The following ZFPM2 variants were observed in gnomAD, a reference collection of about 807,000 sequenced individuals.
ZFPM2 encodes the protein zinc finger protein, FOG family member 2.
In ZFPM2, 20 loss-of-function variants were observed where a neutral mutation model predicts 98.6. The observed-to-expected ratio is 0.20, with a 90% CI of 0.14 to 0.29. The LOEUF (loss-of-function observed/expected upper bound fraction) is 0.29. ZFPM2 is among the 10% of genes least tolerant of loss of function. The pLI is 1.00. For synonymous variants in ZFPM2, 518 were observed against 502.7 expected (o/e 1.03, Z -0.41); for missense variants, 1,310 against 1,388.6 (o/e 0.94, Z 0.90).
intron 1 of ZFPM2, among the ~76,000 whole-genome samples, chr8:105,400,117 A>C (rs528492959): frequency 3.3e-5 from 5 of 152,040 alleles, no homozygotes; most frequent in Non-Finnish European, 7.4e-5. Flanking sequence ...ATGTCCATCT[A>C]TTTATTGCTT....
chr8:105,439,436 T>C (rs1313606770), intron 2 of ZFPM2, among the ~76,000 whole-genome samples: 1 of 152,210 alleles, frequency 6.6e-6, no homozygotes, highest in African/African-American at 2.4e-5. Flanking sequence ...TTGTACAAAC[T>C]GCTGTTTTTG....
At chr8:105,777,107 A>G (rs577312853) in intron 5 of ZFPM2, among the ~76,000 whole-genome samples, 1 of 152,276 alleles carries the variant, frequency 6.6e-6, no homozygotes, top group East Asian at 1.9e-4. Context: ...ACATAAGCTT[A>G]TGGAAAAGCA....
chr8:105,626,781 T>A (rs1411305094), intron 4 of ZFPM2, among the ~76,000 whole-genome samples: 1 of 152,220 alleles, frequency 6.6e-6, no homozygotes, highest in Non-Finnish European at 1.5e-5. Flanking sequence ...GTGCTTTTGA[T>A]CTGTTACCCA....
intron 3 of ZFPM2, among the ~76,000 whole-genome samples, chr8:105,487,243 G>A (rs1364848261): frequency 6.6e-6 from 1 of 151,978 alleles, no homozygotes; most frequent in Non-Finnish European, 1.5e-5. Context: ...CTCCTTACTC[G>A]AGTAGCTGGG....
intron 2 of ZFPM2, among the ~76,000 whole-genome samples, chr8:105,430,021 TC>T (rs1811988842): frequency 6.6e-6 from 1 of 152,174 alleles, no homozygotes. Flanking sequence ...CTTGGATAAT[TC>T]AAATAAATAC....
At chr8:105,641,165 T>C (rs1211032078) in intron 5 of ZFPM2, among the ~76,000 whole-genome samples, 1 of 152,042 alleles carries the variant, frequency 6.6e-6, no homozygotes, top group Non-Finnish European at 1.5e-5. Flanking sequence ...TATCAGTGTG[T>C]TAAAACAAAA....
intron 5 of ZFPM2, among the ~76,000 whole-genome samples, chr8:105,682,477 A>G (rs982738240): frequency 6.6e-6 from 1 of 152,192 alleles, no homozygotes; most frequent in African/African-American, 2.4e-5. Context: ...AATCAGTGCT[A>G]TGATGGAAGA....
chr8:105,321,277 T>G (rs538972383), intron 1 of ZFPM2, among the ~76,000 whole-genome samples: 1 of 152,328 alleles, frequency 6.6e-6, no homozygotes, highest in Non-Finnish European at 1.5e-5. Flanking sequence ...AAGTCGTTAT[T>G]ATTGTAGGTC....
chr8:105,663,742 G>T (rs1817436132), intron 5 of ZFPM2, among the ~76,000 whole-genome samples: 1 of 152,132 alleles, frequency 6.6e-6, no homozygotes, highest in Non-Finnish European at 1.5e-5. Context: ...CTTTGCCAAA[G>T]TTTCACAAGA....
chr8:105,622,908 G>A (rs1816581579), intron 4 of ZFPM2, among the ~76,000 whole-genome samples: 7 of 152,026 alleles, frequency 4.6e-5, no homozygotes, highest in Admixed American at 3.9e-4. Flanking sequence ...CAAATATACA[G>A]TTTTTCTTTT....
At chr8:105,464,319 A>G (rs139595265) in intron 3 of ZFPM2, among the ~76,000 whole-genome samples, 2 of 152,170 alleles carry the variant, frequency 1.3e-5, no homozygotes, top group African/African-American at 4.8e-5. Flanking sequence ...TAAAAATCAA[A>G]TATATGCTTA....
intron 3 of ZFPM2, among the ~76,000 whole-genome samples, chr8:105,520,043 G>T (rs935337354): frequency 2.0e-5 from 3 of 152,030 alleles, no homozygotes; most frequent in African/African-American, 7.2e-5. Flanking sequence ...AAACTATTTT[G>T]TTAGGAACAG....
intron 3 of ZFPM2, among the ~76,000 whole-genome samples, chr8:105,513,429 C>T (rs1415983482): frequency 1.3e-5 from 2 of 152,144 alleles, no homozygotes; most frequent in African/African-American, 2.4e-5. Flanking sequence ...ATATAAGGAG[C>T]TCATGGGGGA....
chr8:105,580,184 G>T (rs1815559079), intron 4 of ZFPM2, among the ~76,000 whole-genome samples: 1 of 152,154 alleles, frequency 6.6e-6, no homozygotes, highest in Admixed American at 6.5e-5. Context: ...CAAACATAAA[G>T]ATATGTGCTG....
chr8:105,745,788 C>A (rs1812329078), intron 5 of ZFPM2, among the ~76,000 whole-genome samples: 1 of 152,060 alleles, frequency 6.6e-6, no homozygotes, highest in Admixed American at 6.6e-5. Context: ...GAGACAGGAT[C>A]TTGCTCTGTC....
intron 4 of ZFPM2, among the ~76,000 whole-genome samples, chr8:105,598,830 C>T (rs1373096515): frequency 2.0e-5 from 3 of 152,016 alleles, no homozygotes; most frequent in Admixed American, 6.6e-5. Flanking sequence ...CAACCAATTA[C>T]TACATACAAA....
At chr8:105,780,304 C>CA (rs1286979921) in intron 5 of ZFPM2, 1 of 152,180 alleles carries the variant, frequency 6.6e-6, no homozygotes, top group African/African-American at 2.4e-5. Flanking sequence ...CATGCCCATG[C>CA]AAGAGGAATG....
At chr8:105,423,070 A>T (rs1811836701) in intron 2 of ZFPM2, among the ~76,000 whole-genome samples, 1 of 151,412 alleles carries the variant, frequency 6.6e-6, no homozygotes, top group Non-Finnish European at 1.5e-5. Context: ...TCTAGTCTCA[A>T]AGTTGCATTT....
intron 1 of ZFPM2, among the ~76,000 whole-genome samples, chr8:105,416,615 A>T (rs757384020): frequency 6.6e-6 from 1 of 151,972 alleles, no homozygotes; most frequent in Non-Finnish European, 1.5e-5. Context: ...CAAAAGAAGT[A>T]TATATTTCAA....
Sources: gnomAD v4.1 joint callset for allele counts (sites outside exome capture counted in the v4.1 genomes callset) on GRCh38, gnomAD v4.1.1 for gene constraint, MANE v1.5 for transcripts, NCBI Gene and HGNC (gene_info 2026-07-23, HGNC 2026-07-21) for gene names.